Variants in DZIP1L observed in about 807,000 individuals in gnomAD.
DZIP1L encodes the protein DAZ interacting zinc finger protein 1 like.
Under a neutral mutation model 88.7 loss-of-function variants are expected in DZIP1L, and 90 were observed. That is an observed-to-expected ratio of 1.02 (90% CI 0.86 to 1.21). The LOEUF is 1.21. Ranked by LOEUF, DZIP1L falls within the 50% of genes most tolerant of loss-of-function variation. The probability of loss-of-function intolerance (pLI) is 0.00; values close to 1 mark genes in which losing one functional copy is unlikely to be tolerated. For missense variants in DZIP1L, 932 were observed against 955.8 expected, an observed-to-expected ratio of 0.98 and a Z score of 0.33; for synonymous variants, 363 against 372.1, an observed-to-expected ratio of 0.98 and a Z score of 0.28.
rs1055188436 is a variant in DZIP1L, at chr3:138,103,984, C to T, written c.-13G>A. 9 of 1,601,036 alleles carry T rather than the reference C, an allele frequency of 5.6e-6. No homozygotes were observed. The highest frequency in any genetic ancestry group is 7.7e-6 in the Non-Finnish European group (9 of 1,176,028). On this transcript the variant is annotated 5_prime_UTR_variant, in exon 2 of 16. Coordinates refer to ENST00000327532, the MANE Select transcript of DZIP1L (RefSeq NM_173543.3). ...CTGGGGACTGCATGGGCAGAGGAAGCCCTGAGCTGACCACCAGAGGAGGGG... is the reference window on the plus strand; with the variant it reads ...CTGGGGACTGCATGGGCAGAGGAAGTCCTGAGCTGACCACCAGAGGAGGGG...
chr3:138,112,675 A>T (rs868716653), intron 1 of DZIP1L, among the ~76,000 whole-genome samples: 1 of 152,170 alleles, frequency 6.6e-6, no homozygotes, highest in Non-Finnish European at 1.5e-5. Flanking sequence ...AACCAGGAGC[A>T]GTGGCTCTCG....
At chr3:138,082,187 G>A (rs900019922) in intron 8 of DZIP1L, among the ~76,000 whole-genome samples, 32 of 152,178 alleles carry the variant, frequency 2.1e-4, no homozygotes, top group African/African-American at 7.7e-4. Flanking sequence ...CACATTCCCG[G>A]ACAGGAGGCC....
At chr3:138,093,851 C>A (rs2724717) in intron 4 of DZIP1L, among the ~76,000 whole-genome samples, 3 of 152,134 alleles carry the variant, frequency 2.0e-5, no homozygotes, top group African/African-American at 7.2e-5. Context: ...ATTTTGTGGC[C>A]GGTTTGATCT....
intron 3 of DZIP1L, 36 bp downstream of exon 3, chr3:138,097,726 AG>A (rs752471136): frequency 1.9e-6 from 3 of 1,572,814 alleles, no homozygotes; most frequent in Non-Finnish European, 8.7e-7. Flanking sequence ...CCCTTTCCAC[AG>A]TCCCAGAAGG....
intron 4 of DZIP1L, among the ~76,000 whole-genome samples, chr3:138,092,777 C>G (rs1397617139): frequency 6.6e-6 from 1 of 152,180 alleles, no homozygotes; most frequent in African/African-American, 2.4e-5. Flanking sequence ...ACTTTATTTG[C>G]TCATCCATAA....
At position 138,088,417 on chromosome 3, in the gene DZIP1L, G is replaced by A. The variant is rs2724693; in HGVS notation, c.961C>T (p.Arg321Trp). The A allele has an allele frequency of 0.68, 1,096,879 of 1,612,686 alleles. 380,962 individuals carry two copies. Among genetic ancestry groups the A allele is most frequent in the Non-Finnish European group, 0.71 (843,065 of 1,179,376 alleles). Residue 321 changes from arginine (R) to tryptophan (W), a missense_variant, in exon 6 of 16, where the codon CGG becomes TGG. Physicochemically the swap from Arg to Trp is moderately radical, Grantham distance 101. Coordinates refer to ENST00000327532, the MANE Select transcript of DZIP1L (RefSeq NM_173543.3). ...TTCTCTCTCAGGGCCTGAAGCTCCC[G>A]TGCCTGCCGAAGCCACTCCTCTGAC... ...EESEEWLRQARELQALREKTE... is the reference protein window; with the variant it reads ...EESEEWLRQAWELQALREKTE...
intron 8 of DZIP1L, among the ~76,000 whole-genome samples, chr3:138,083,462 G>T (rs371241386): frequency 2.0e-5 from 3 of 152,214 alleles, no homozygotes; most frequent in East Asian, 1.9e-4. Context: ...GGGCTCTGGA[G>T]GGGGAACTCA....
chr3:138,062,873 T>G lies in DZIP1L; in HGVS notation c.2247A>C (p.Pro749=). Residue 749 remains proline, a synonymous_variant, in exon 16 of 16, where the codon CCA becomes CCC. Coordinates refer to ENST00000327532, the MANE Select transcript of DZIP1L (RefSeq NM_173543.3). ...KPKPLSRSKL[P]EKFGTGPQSS... ...TCTGTGGACCAGTGCCAAACTTCTCTGGGAGCTTTGAGCGAGACAAGGGCT... is the reference window on the plus strand; with the variant it reads ...TCTGTGGACCAGTGCCAAACTTCTCGGGGAGCTTTGAGCGAGACAAGGGCT... The G allele has an allele frequency of 6.2e-7, 1 of 1,614,200 alleles. No individual in the cohort carries two copies. The highest frequency in any genetic ancestry group is 8.5e-7 in the Non-Finnish European group (1 of 1,180,036).
rs774961481 is a variant in DZIP1L, at chr3:138,068,164, C to T, written c.1819G>A (p.Gly607Arg). 9 of 1,509,726 alleles carry T rather than the reference C, an allele frequency of 6.0e-6. No homozygotes were observed. The highest frequency in any genetic ancestry group is 1.4e-5 in the African/African-American group (1 of 71,468). The allele number at this position is 1,509,726 out of a possible 1,614,324, so 93.5% of individuals were successfully genotyped here. Residue 607 changes from glycine to arginine, a missense_variant, in exon 13 of 16, where the codon GGG (glycine) becomes AGG (arginine). Transcript: ENST00000327532. The part of the protein sequence containing the change: ...HGPSSTPPSS[G>R]PGMSTPPFSS... ...TCTGGGGCTCACCTCATCCCGGGCC[C>T]CGAGGAAGGAGGGGTGCTGGAGGGT...
At chr3:138,080,535 C>T (rs766994727) in intron 10 of DZIP1L, 32 bp downstream of exon 10, 2 of 1,612,348 alleles carry the variant, frequency 1.2e-6, no homozygotes, top group South Asian at 1.1e-5. Context: ...TGTTTCTGCA[C>T]TGGACACCCA....
chr3:138,064,719 G>T lies in DZIP1L; in HGVS notation c.2051C>A (p.Ala684Asp), dbSNP rs756673061. The T allele has an allele frequency of 1.2e-6, 2 of 1,604,834 alleles. No individual in the cohort carries two copies. The highest frequency in any genetic ancestry group is 1.7e-6 in the Non-Finnish European group (2 of 1,176,774). Residue 684 changes from alanine to aspartate, a missense_variant, in exon 15 of 16, where the codon GCT (alanine) becomes GAT (aspartate). By Grantham distance (126) the Ala-to-Asp change is moderately radical. Transcript: ENST00000327532. ...CCCTCCAGCAGGCTTCTTTGCTGGA[G>T]CTTCTAGCTGCTTCTCCAGGTTTTT... ...MVKNLEKQLE[A>D]PAKKPAGGVS...
chr3:138,105,210 G>A (rs2042447802), intron 1 of DZIP1L, among the ~76,000 whole-genome samples: 1 of 152,062 alleles, frequency 6.6e-6, no homozygotes, highest in Non-Finnish European at 1.5e-5. Flanking sequence ...CAAAGTGAAA[G>A]ATATATATCA....
chr3:138,095,092 A>G (rs754433943), intron 3 of DZIP1L, 109 bp from the exon 4 acceptor site: 92 of 1,522,662 alleles, frequency 6.0e-5, no homozygotes, highest in Middle Eastern at 3.5e-4. Context: ...CAGCTTCGCT[A>G]CTTAGTACGT....
At chr3:138,067,803 A>G in intron 13 of DZIP1L, 103 bp from the exon 14 acceptor site, 1 of 1,324,084 alleles carries the variant, frequency 7.6e-7, no homozygotes, top group Non-Finnish European at 9.9e-7. Context: ...GCTCAGGGCC[A>G]GCCCTGCTCC....
chr3:138,068,435 G>T (rs1943017783), intron 12 of DZIP1L, 68 bp from the exon 13 acceptor site: 6 of 1,278,672 alleles, frequency 4.7e-6, no homozygotes, highest in Non-Finnish European at 3.1e-6. Flanking sequence ...AGAGGAGGGA[G>T]AAAGTGGCTC....
rs555375901 is a variant in DZIP1L at position 138,068,046 on chromosome 3, GC to G, written c.1832+104del. 4.0e-4 allele frequency: 410 copies of G among 1,029,340 alleles called. 1 individual carries two copies. Among genetic ancestry groups the G allele is most frequent in the Middle Eastern group, 3.3e-3 (10 of 3,028 alleles). The allele number at this position is 1,029,340 out of a possible 1,614,324, so 63.8% of individuals were successfully genotyped here. On this transcript the variant is annotated intron_variant, in intron 13 of 15. Coordinates refer to ENST00000327532, the MANE Select transcript of DZIP1L (RefSeq NM_173543.3). ...AGGCACCTTCTATTCACATGTGTCT[GC>G]CCCCCTCCTATCTGCAGAAGCCTGG... is the stretch of plus-strand genomic sequence containing the variant.
At chr3:138,112,956 G>A (rs78585832) in intron 1 of DZIP1L, among the ~76,000 whole-genome samples, 4,346 of 152,050 alleles carry the variant, frequency 0.029, 214 homozygotes, top group African/African-American at 0.1. Context: ...CAAAAAAAAA[G>A]AGAGAGAAGA....
chr3:138,114,465 G>A (rs2042661465), intron 1 of DZIP1L, among the ~76,000 whole-genome samples: 4 of 152,212 alleles, frequency 2.6e-5, no homozygotes, highest in South Asian at 4.1e-4. Flanking sequence ...TAGACTGGAG[G>A]ATCAGCCTTC....
At chr3:138,070,296 A>G (rs1943117932) in intron 12 of DZIP1L, among the ~76,000 whole-genome samples, 1 of 152,356 alleles carries the variant, frequency 6.6e-6, no homozygotes, top group East Asian at 1.9e-4. Flanking sequence ...ATGAATGAAC[A>G]TTTGACTGAA....
Sources: gnomAD v4.1 joint callset for allele counts (sites outside exome capture counted in the v4.1 genomes callset) on GRCh38, gnomAD v4.1.1 for gene constraint, MANE v1.5 for transcripts, NCBI Gene and HGNC (gene_info 2026-07-23, HGNC 2026-07-21) for gene names.